Variants in ADAMTS2 observed in about 807,000 individuals in gnomAD.
The protein encoded by ADAMTS2 is A disintegrin and metalloproteinase with thrombospondin motifs 2.
ADAMTS2 carries 50 observed loss-of-function variants against 123.0 expected under a neutral mutation model. That is an observed-to-expected ratio of 0.41 (90% CI 0.32 to 0.51). The LOEUF is 0.51. ADAMTS2 is among the 20% of genes least tolerant of loss of function. The probability of loss-of-function intolerance (pLI) is 0.35; values close to 1 mark genes in which losing one functional copy is unlikely to be tolerated. For missense variants in ADAMTS2, 1,494 were observed against 1,705.2 expected (o/e 0.88, Z 2.18); for synonymous variants, 678 against 695.4 (o/e 0.98, Z 0.39).
At chr5:179,205,907 G>A (rs888865169) in intron 4 of ADAMTS2, among the ~76,000 whole-genome samples, 51 of 152,076 alleles carry the variant, frequency 3.4e-4, no homozygotes, top group African/African-American at 1.1e-3. Flanking sequence ...GAGTAGCTGG[G>A]ACTACAGGCG....
At chr5:179,273,749 C>G (rs573795203) in intron 2 of ADAMTS2, among the ~76,000 whole-genome samples, 41 of 152,242 alleles carry the variant, frequency 2.7e-4, no homozygotes, top group Non-Finnish European at 4.7e-4. Flanking sequence ...CCAGACTCTA[C>G]AGGCAGCTGA....
intron 2 of ADAMTS2, among the ~76,000 whole-genome samples, chr5:179,284,505 G>A (rs1755950767): frequency 6.6e-6 from 1 of 151,824 alleles, no homozygotes; most frequent in Non-Finnish European, 1.5e-5. Flanking sequence ...TCCTGCCTCA[G>A]CCTCCCAAGT....
rs568145151 is a variant in ADAMTS2 at position 179,202,511 on chromosome 5, G to A, written c.891+5002C>T. ...ATGATCCTGTTTGTTTTTCACTTCA[G>A]TATCGTCTGTGCCTCCCTTCCCAGA... On this transcript the variant is annotated intron_variant, in intron 4 of 21. Coordinates refer to ENST00000251582, the MANE Select transcript of ADAMTS2 (RefSeq NM_014244.5). This position sits in a 1 kb window ranked among gnomAD's most constrained non-coding sequence, Gnocchi z 4.0. Among the ~76,000 whole-genome samples the A allele has an allele frequency of 7.4e-4, 113 of 152,202 alleles. 1 individual carries two copies. Among genetic ancestry groups the A allele is most frequent in the African/African-American group, 2.0e-3 (83 of 41,538 alleles).
rs199562117 is a variant in ADAMTS2 at position 179,297,793 on chromosome 5, C to T, written c.535-24729G>A. On this transcript the variant is annotated intron_variant, in intron 2 of 21. Coordinates refer to ENST00000251582, the MANE Select transcript of ADAMTS2 (RefSeq NM_014244.5). ...TCAGGGCTCTCCACAAGTCCCTTCT[C>T]GCCTCCCCTGCTGCGTCTTCGGCCT... Among the ~76,000 whole-genome samples the T allele has an allele frequency of 1.4e-4, 22 of 151,854 alleles. No individual in the cohort carries two copies. In the East Asian group the frequency reaches 3.1e-3, roughly 22 times the overall value.
intron 4 of ADAMTS2, among the ~76,000 whole-genome samples, chr5:179,193,954 C>T (rs953730066): frequency 3.3e-5 from 5 of 152,304 alleles, no homozygotes; most frequent in South Asian, 2.1e-4. Flanking sequence ...GGCACATCAT[C>T]GCCTCTGTTC....
intron 13 of ADAMTS2, among the ~76,000 whole-genome samples, chr5:179,133,392 C>T (rs950839429): frequency 1.3e-5 from 2 of 152,050 alleles, no homozygotes; most frequent in Non-Finnish European, 2.9e-5. Context: ...CTCAGCCTCC[C>T]GAGTAGCTGG....
At chr5:179,255,784 A>G (rs963044932) in intron 3 of ADAMTS2, among the ~76,000 whole-genome samples, 9 of 152,176 alleles carry the variant, frequency 5.9e-5, no homozygotes, top group Non-Finnish European at 8.8e-5. Flanking sequence ...CACTGATGGC[A>G]CAGGGGCCAC....
At chr5:179,176,605 G>A (rs75593596) in intron 5 of ADAMTS2, among the ~76,000 whole-genome samples, 15,146 of 152,184 alleles carry the variant, frequency 0.1, 965 homozygotes, top group Non-Finnish European at 0.13. Context: ...CCTGGACCCA[G>A]GCCTGGTCCC....
At chr5:179,157,995 C>G (rs1023914758) in intron 6 of ADAMTS2, among the ~76,000 whole-genome samples, 6 of 151,520 alleles carry the variant, frequency 4.0e-5, no homozygotes, top group African/African-American at 1.5e-4. Flanking sequence ...GACAGAGTCT[C>G]GCACTGTCTC....
chr5:179,341,193 G>C (rs957762865), intron 2 of ADAMTS2: 3 of 191,740 alleles, frequency 1.6e-5, no homozygotes, highest in African/African-American at 7.2e-5. Flanking sequence ...GGATTTAACA[G>C]TAGGACAGAC....
intron 2 of ADAMTS2, among the ~76,000 whole-genome samples, chr5:179,292,740 T>C (rs972526917): frequency 1.3e-5 from 2 of 152,022 alleles, no homozygotes; most frequent in African/African-American, 2.4e-5. Context: ...AAGATACATC[T>C]GAGAGAGAAG....
Position 179,114,720 on chromosome 5 carries a change from A to G in ADAMTS2, c.3179-396T>C, listed in dbSNP as rs114354284. Reference sequence around the variant, plus strand: ...TGACATCCCAGTGGTAACCCCAGTGAAATTCTGTGGCAAGGCTTGACTCTA... The same window carrying G: ...TGACATCCCAGTGGTAACCCCAGTGGAATTCTGTGGCAAGGCTTGACTCTA... On this transcript the variant is annotated intron_variant, in intron 21 of 21. Transcript: ENST00000251582. 7.7e-3 allele frequency among the ~76,000 whole-genome samples: 1,175 copies of G among 152,332 alleles called. 13 individuals are homozygous for G. The highest frequency in any genetic ancestry group is 0.027 in the African/African-American group (1,111 of 41,572).
At chr5:179,201,401 A>T (rs1764560742) in intron 4 of ADAMTS2, among the ~76,000 whole-genome samples, 1 of 152,204 alleles carries the variant, frequency 6.6e-6, no homozygotes, top group Non-Finnish European at 1.5e-5. Flanking sequence ...ATATGGTGCG[A>T]TGTTATGCAA....
chr5:179,181,509 T>A lies in ADAMTS2; in HGVS notation c.892-354A>T, dbSNP rs2113312974. ...CCTTCCCTTCAACAGTGAACGTGGG[T>A]GATGGACCCCCGCGGCACAGGCAGG... On this transcript the variant is annotated intron_variant, in intron 4 of 21. Transcript: ENST00000251582. This position sits in a 1 kb window ranked among gnomAD's most constrained non-coding sequence, Gnocchi z 4.1. Among the ~76,000 whole-genome samples the A allele has an allele frequency of 6.6e-6, 1 of 152,140 alleles. No homozygotes were observed. Among genetic ancestry groups the A allele is most frequent in the Non-Finnish European group, 1.5e-5 (1 of 67,974 alleles).
chr5:179,255,927 G>A (rs1001089887), intron 3 of ADAMTS2, among the ~76,000 whole-genome samples: 2 of 152,170 alleles, frequency 1.3e-5, no homozygotes, highest in African/African-American at 4.8e-5. Context: ...CACAGATGCT[G>A]CTGGGCCTAG....
chr5:179,160,578 G>A (rs960040845), intron 5 of ADAMTS2, among the ~76,000 whole-genome samples: 1 of 152,220 alleles, frequency 6.6e-6, no homozygotes, highest in Admixed American at 6.5e-5. Context: ...CTGACAAGAT[G>A]GCAGACCAAT....
At position 179,184,509 on chromosome 5, in the gene ADAMTS2, TAA is replaced by T. The variant is rs554713153; in HGVS notation, c.892-3356_892-3355del. Among the ~76,000 whole-genome samples the T allele has an allele frequency of 2.8e-3, 253 of 91,390 alleles. 1 individual carries two copies. The highest frequency in any genetic ancestry group is 9.9e-3 in the African/African-American group (216 of 21,744). The allele number at this position is 91,390 out of a possible 152,430, so 60.0% of individuals were successfully genotyped here. ...CTGGGAGACAGAGCAAGACTCTGTC[TAA>T]AAAAAAAAAAAAAAAAAAAAGAATG... On this transcript the variant is annotated intron_variant, in intron 4 of 21. Coordinates refer to ENST00000251582, the MANE Select transcript of ADAMTS2 (RefSeq NM_014244.5).
intron 2 of ADAMTS2, among the ~76,000 whole-genome samples, chr5:179,329,780 C>G (rs1757430663): frequency 6.6e-6 from 1 of 152,112 alleles, no homozygotes; most frequent in Non-Finnish European, 1.5e-5. Flanking sequence ...CCAGGGAGAA[C>G]CAATCAGCTT....
At chr5:179,149,009 C>T (rs1561778188) in intron 10 of ADAMTS2, among the ~76,000 whole-genome samples, 1 of 152,082 alleles carries the variant, frequency 6.6e-6, no homozygotes, top group Non-Finnish European at 1.5e-5. Context: ...TCCCCTCACT[C>T]GAGCATGGAG....
Sources: allele counts gnomAD v4.1 joint callset (sites outside exome capture counted in the v4.1 genomes callset), GRCh38; gene constraint gnomAD v4.1.1; non-coding constraint Gnocchi (gnomAD v3.1); transcripts MANE v1.5; gene names NCBI Gene and HGNC (gene_info 2026-07-23, HGNC 2026-07-21).